SEMA6A: variants seen among roughly 807,000 people sequenced by gnomAD.
SEMA6A encodes semaphorin 6A.
In SEMA6A, 25 loss-of-function variants were observed where a neutral mutation model predicts 96.8. That is an observed-to-expected ratio of 0.26 (90% CI 0.19 to 0.36). The LOEUF (loss-of-function observed/expected upper bound fraction) is 0.36. Ranked by LOEUF, SEMA6A falls within the 10% of genes least tolerant of loss-of-function variation. The pLI, the probability that SEMA6A is intolerant of heterozygous loss-of-function variation, is 1.00. For synonymous variants in SEMA6A, 612 were observed against 518.0 expected, an observed-to-expected ratio of 1.18 and a Z score of -2.46; for missense variants, 1,363 against 1,323.1, an observed-to-expected ratio of 1.03 and a Z score of -0.47.
chr5:116,548,514 A>G (rs1358971411), intron 1 of SEMA6A, among the ~76,000 whole-genome samples: 1 of 152,140 alleles, frequency 6.6e-6, no homozygotes. Flanking sequence ...GCTTTTCTCA[A>G]CTTATGGTGT....
At chr5:116,558,055 T>G (rs991614983) in intron 1 of SEMA6A, among the ~76,000 whole-genome samples, 1 of 152,210 alleles carries the variant, frequency 6.6e-6, no homozygotes, top group Non-Finnish European at 1.5e-5. Context: ...GCCTTTAAAA[T>G]AAGACATCCA....
At chr5:116,483,129 A>C (rs1442276993) in intron 10 of SEMA6A, among the ~76,000 whole-genome samples, 1 of 152,220 alleles carries the variant, frequency 6.6e-6, no homozygotes, top group Admixed American at 6.5e-5. Context: ...TTACTTACGT[A>C]AGACTAAACA....
At chr5:116,500,903 G>A (rs1416899320) in intron 3 of SEMA6A, among the ~76,000 whole-genome samples, 1 of 152,164 alleles carries the variant, frequency 6.6e-6, no homozygotes, top group East Asian at 1.9e-4. Context: ...CTACTCAGGA[G>A]GCTGAGGCAG....
intron 1 of SEMA6A, among the ~76,000 whole-genome samples, chr5:116,510,980 C>T (rs892707785): frequency 6.6e-6 from 1 of 152,158 alleles, no homozygotes; most frequent in Non-Finnish European, 1.5e-5. Flanking sequence ...CCCAGAGAGA[C>T]AGGCCTTATT....
At chr5:116,450,158 G>A (rs1754531668) in intron 18 of SEMA6A, among the ~76,000 whole-genome samples, 1 of 152,182 alleles carries the variant, frequency 6.6e-6, no homozygotes, top group African/African-American at 2.4e-5. Flanking sequence ...GCACAAAAAT[G>A]TACACCTGTG....
chr5:116,573,043 C>A (rs1037248021), intron 1 of SEMA6A, among the ~76,000 whole-genome samples: 1 of 150,770 alleles, frequency 6.6e-6, no homozygotes, highest in African/African-American at 2.4e-5. Context: ...TCGGGTCTTG[C>A]GAGGAGGGAG....
intron 17 of SEMA6A, among the ~76,000 whole-genome samples, chr5:116,470,446 T>C (rs1177299352): frequency 6.6e-6 from 1 of 152,198 alleles, no homozygotes. Context: ...AAAATACAAA[T>C]AAATAGGTAT....
chr5:116,526,478 C>G (rs1759231026), intron 1 of SEMA6A, among the ~76,000 whole-genome samples: 1 of 152,174 alleles, frequency 6.6e-6, no homozygotes, highest in African/African-American at 2.4e-5. Context: ...GATTGGTAAA[C>G]AAACGGATCA....
In SEMA6A at chr5:116,474,278, GCACACACACA is replaced by G. The variant is rs113731062; in HGVS notation, c.1709-1195_1709-1186del. 5.1e-4 allele frequency among the ~76,000 whole-genome samples: 75 copies of G among 147,392 alleles called. 1 individual carries two copies. Among genetic ancestry groups the G allele is most frequent in the Admixed American group, 2.6e-3 (39 of 14,722 alleles). On this transcript the variant is annotated intron_variant, in intron 16 of 18. Coordinates refer to ENST00000343348, the MANE Select transcript of SEMA6A (RefSeq NM_020796.5). ...AGCTGTTAATAAAGCGTGCACGCAT[GCACACACACA>G]CACACACACACACACACACACATCT...
At chr5:116,559,575 C>T (rs1760738608) in intron 1 of SEMA6A, among the ~76,000 whole-genome samples, 1 of 152,168 alleles carries the variant, frequency 6.6e-6, no homozygotes, top group Non-Finnish European at 1.5e-5. Context: ...TGTTGGTGCG[C>T]TCTCGGGGTT....
chr5:116,504,987 CA>C lies in SEMA6A; in HGVS notation c.-38-6del. The C allele has an allele frequency of 7.3e-7, 1 of 1,379,140 alleles. No homozygotes were observed. The highest frequency in any genetic ancestry group is 1.0e-6 in the Non-Finnish European group (1 of 991,676). The allele number at this position is 1,379,140 out of a possible 1,614,324, so 85.4% of individuals were successfully genotyped here. A position where few individuals can be genotyped will look rare whatever the true frequency, so the allele number is the denominator to read the frequency against. ...ACTTTATTTCTCTACTTCACCCTGC[CA>C]AAAAGTAAAGAACAGATTTTTTTCC... On this transcript the variant is annotated splice_region_variant and splice_polypyrimidine_tract_variant and intron_variant, in intron 1 of 18. Coordinates refer to ENST00000343348, the MANE Select transcript of SEMA6A (RefSeq NM_020796.5).
intron 10 of SEMA6A, among the ~76,000 whole-genome samples, chr5:116,484,270 A>T (rs1756932152): frequency 6.6e-6 from 1 of 152,192 alleles, no homozygotes. Context: ...CGTAATAACT[A>T]AAGATATCCT....
chr5:116,515,528 A>T (rs1044101273), intron 1 of SEMA6A, among the ~76,000 whole-genome samples: 5 of 152,214 alleles, frequency 3.3e-5, no homozygotes, highest in African/African-American at 1.2e-4. Context: ...TAGCCAGTAA[A>T]AAGATATCTG....
chr5:116,467,758 C>T lies in SEMA6A; in HGVS notation c.1730-11G>A, dbSNP rs1755853274. The T allele has an allele frequency of 1.2e-5, 20 of 1,613,164 alleles. No individual in the cohort carries two copies. Among genetic ancestry groups the T allele is most frequent in the Non-Finnish European group, 1.7e-5 (20 of 1,179,538 alleles). ...GGGAACTGGAATGCCCTGTTTTCAT[C>T]ACAAATACAGTTAGGAAAACATCAC... is the stretch of plus-strand genomic sequence containing the variant. On this transcript the variant is annotated splice_polypyrimidine_tract_variant and intron_variant, in intron 17 of 18. Transcript: ENST00000343348.
intron 1 of SEMA6A, among the ~76,000 whole-genome samples, chr5:116,535,087 G>A (rs1351252898): frequency 6.6e-6 from 1 of 152,196 alleles, no homozygotes; most frequent in Non-Finnish European, 1.5e-5. Context: ...CATTGTGTTG[G>A]GAGCAGTGAC....
At chr5:116,538,459 G>A (rs1021797757) in intron 1 of SEMA6A, among the ~76,000 whole-genome samples, 1 of 152,126 alleles carries the variant, frequency 6.6e-6, no homozygotes. Flanking sequence ...ACAGACTCAC[G>A]TGGAGCCACC....
intron 1 of SEMA6A, among the ~76,000 whole-genome samples, chr5:116,519,820 A>G (rs190479477): frequency 2.8e-4 from 42 of 152,122 alleles, no homozygotes; most frequent in Non-Finnish European, 5.6e-4. Flanking sequence ...CCACTTCCCT[A>G]TGTTCTACCT....
intron 6 of SEMA6A, chr5:116,492,199 T>C (rs1757363254): frequency 4.3e-6 from 1 of 230,892 alleles, no homozygotes; most frequent in African/African-American, 2.3e-5. Context: ...CACACAGTGA[T>C]GCAACGGAAA....
chr5:116,455,470 C>T (rs1001321396), intron 18 of SEMA6A, among the ~76,000 whole-genome samples: 1 of 152,148 alleles, frequency 6.6e-6, no homozygotes, highest in African/African-American at 2.4e-5. Context: ...AGAAACACAA[C>T]ATCTAAGTGA....
Sources: gnomAD v4.1 joint callset for allele counts (sites outside exome capture counted in the v4.1 genomes callset) on GRCh38, gnomAD v4.1.1 for gene constraint, MANE v1.5 for transcripts, NCBI Gene and HGNC (gene_info 2026-07-23, HGNC 2026-07-21) for gene names.